The following DRAXIN variants were observed in gnomAD, a reference collection of about 807,000 sequenced individuals.
DRAXIN encodes the protein dorsal repulsive axon guidance protein.
In DRAXIN, 27 loss-of-function variants were observed where a neutral mutation model predicts 33.9. That is an observed-to-expected ratio of 0.80 (90% CI 0.59 to 1.10). DRAXIN has a LOEUF of 1.10. Ranked by LOEUF, DRAXIN falls within the 50% of genes least tolerant of loss-of-function variation. The probability of loss-of-function intolerance (pLI) is 0.00; values close to 1 mark genes in which losing one functional copy is unlikely to be tolerated. For missense variants in DRAXIN, 371 were observed against 460.8 expected (o/e 0.81, Z 1.78); for synonymous variants, 178 against 194.0 (o/e 0.92, Z 0.69).
chr1:11,691,494 C>G (rs370545018), upstream of DRAXIN: 6 of 152,300 alleles, frequency 3.9e-5, no homozygotes, highest in African/African-American at 1.4e-4. Context: ...TTGTCTGCCC[C>G]GCGCCCTCGC....
At chr1:11,688,118 A>G (rs1640993309), upstream of DRAXIN, among the ~76,000 whole-genome samples, 1 of 152,166 alleles carries the variant, frequency 6.6e-6, no homozygotes, top group African/African-American at 2.4e-5. The surrounding 1 kb of genome is among the most constrained non-coding windows in gnomAD (Gnocchi z 4.6). Context: ...ACTGGCCCAC[A>G]GCTCTATCCT....
chr1:11,710,920 T>TTAAAAAA (rs1641483974), intron 3 of DRAXIN, among the ~76,000 whole-genome samples: 2 of 15,866 alleles, frequency 1.3e-4, no homozygotes, highest in Non-Finnish European at 1.9e-4. Flanking sequence ...AGACTCCATC[T>TTAAAAAA]CAAAAAAAAA....
chr1:11,719,521 G>T (rs944380109), intron 6 of DRAXIN, 63 bp from the exon 7 acceptor site: 28 of 1,432,602 alleles, frequency 2.0e-5, no homozygotes, highest in Non-Finnish European at 2.7e-5. Context: ...GAGCGTGCAG[G>T]GGAAGGAAGG....
At chr1:11,693,950 G>C (rs1328919038) in intron 1 of DRAXIN, among the ~76,000 whole-genome samples, 1 of 152,134 alleles carries the variant, frequency 6.6e-6, no homozygotes, top group East Asian at 1.9e-4. Context: ...TTGCAGCCAC[G>C]ATGGAGAACT....
In DRAXIN at chr1:11,721,523, G is replaced by A. The variant is rs540208773; in HGVS notation, c.*1827G>A. On this transcript the variant is annotated 3_prime_UTR_variant, in exon 7 of 7. Transcript: ENST00000294485. Reference sequence around the variant, plus strand: ...ATAAGATGCCAGAGATGTTTACTGCGTTGGAAAAATCAGTCGGGGTCAGGG... The same window carrying A: ...ATAAGATGCCAGAGATGTTTACTGCATTGGAAAAATCAGTCGGGGTCAGGG... 3.3e-5 allele frequency: 5 copies of A among 152,366 alleles called. No homozygotes were observed. Among genetic ancestry groups the A allele is most frequent in the South Asian group, 2.1e-4 (1 of 4,824 alleles). 9.4% of individuals were successfully genotyped at this position (152,366 alleles called of 1,614,324 possible). A position where few individuals can be genotyped will look rare whatever the true frequency, so the allele number is the denominator to read the frequency against.
In DRAXIN at chr1:11,723,402, A is replaced by C. The variant is rs899420990; in HGVS notation, c.*3706A>C. The C allele has an allele frequency of 6.6e-6, 1 of 152,116 alleles. No individual in the cohort carries two copies. Among genetic ancestry groups the C allele is most frequent in the African/African-American group, 2.4e-5 (1 of 41,410 alleles). 9.4% of individuals were successfully genotyped at this position (152,116 alleles called of 1,614,324 possible). A position where few individuals can be genotyped will look rare whatever the true frequency, so the allele number is the denominator to read the frequency against. ...GTAACTTCAGGTGCAGCTGGGGCGG[A>C]GAGTCTCTGCTCTCCCCTTCCATCT... On this transcript the variant is annotated 3_prime_UTR_variant, in exon 7 of 7. Coordinates refer to ENST00000294485, the MANE Select transcript of DRAXIN (RefSeq NM_198545.4).
chr1:11,709,995 G>T (rs1010909814), intron 3 of DRAXIN, among the ~76,000 whole-genome samples: 6 of 152,014 alleles, frequency 3.9e-5, no homozygotes, highest in Non-Finnish European at 5.9e-5. Flanking sequence ...GACCAGCCTG[G>T]CCAACATAGT....
chr1:11,719,700 C>T lies in DRAXIN; in HGVS notation c.*4C>T, dbSNP rs750688969. 7 of 1,612,822 alleles carry T rather than the reference C, an allele frequency of 4.3e-6. No individual in the cohort carries two copies. In the South Asian group the frequency reaches 6.6e-5, roughly 15 times the overall value. On this transcript the variant is annotated 3_prime_UTR_variant, in exon 7 of 7. Coordinates refer to ENST00000294485, the MANE Select transcript of DRAXIN (RefSeq NM_198545.4). ...GGGATCCTTCATCAACGTCTAGCGG[C>T]CCCGCGGGACTGGGGACTGAGCCCA...
At chr1:11,700,727 T>G (rs1004408820) in intron 1 of DRAXIN, among the ~76,000 whole-genome samples, 1 of 152,210 alleles carries the variant, frequency 6.6e-6, no homozygotes, top group African/African-American at 2.4e-5. Flanking sequence ...GGGGGTTGCC[T>G]GCTTCACATC....
At chr1:11,688,594 G>C (rs1282838675), upstream of DRAXIN, among the ~76,000 whole-genome samples, 1 of 151,896 alleles carries the variant, frequency 6.6e-6, no homozygotes, top group Non-Finnish European at 1.5e-5. This position sits in a 1 kb window ranked among gnomAD's most constrained non-coding sequence, Gnocchi z 4.6. Flanking sequence ...CAGCAAACCT[G>C]CTAAAAACCT....
At position 11,723,626 on chromosome 1, in the gene DRAXIN, C is replaced by T. The variant is rs2100748155; in HGVS notation, c.*3930C>T. ...TTTTCTTTTGAGACAGAGTTTCACT[C>T]TTGTTGCCCAGGCTGGAGTGCAGTG... On this transcript the variant is annotated 3_prime_UTR_variant, in exon 7 of 7. Coordinates refer to ENST00000294485, the MANE Select transcript of DRAXIN (RefSeq NM_198545.4). The T allele has an allele frequency of 6.7e-6, 1 of 148,426 alleles. No homozygotes were observed. The highest frequency in any genetic ancestry group is 2.1e-4 in the South Asian group (1 of 4,698). 9.2% of individuals were successfully genotyped at this position (148,426 alleles called of 1,614,324 possible). A position where few individuals can be genotyped will look rare whatever the true frequency, so the allele number is the denominator to read the frequency against.
chr1:11,698,811 G>A (rs554221963), intron 1 of DRAXIN, among the ~76,000 whole-genome samples: 70 of 152,106 alleles, frequency 4.6e-4, no homozygotes, highest in Admixed American at 1.3e-3. Context: ...GAGCTATGAT[G>A]GTACAACTAC....
At position 11,706,294 on chromosome 1, in the gene DRAXIN, G is replaced by T. The variant is rs747996298; in HGVS notation, c.36G>T (p.Leu12=). 1.1e-5 allele frequency: 17 copies of T among 1,611,836 alleles called. No individual in the cohort carries two copies. The Admixed American group carries it at 2.8e-4, about 27-fold the overall frequency. The stretch of plus-strand genomic sequence containing the variant: ...CTGCCATCCACACCGCTCCCATGCT[G>T]TTCCTCGTCCTCCTGCTGCCCCTGG... ...AGPAIHTAPM[L]FLVLLLPLEL... Residue 12 remains leucine (L), a synonymous_variant, in exon 2 of 7, where the codon CTG becomes CTT. Transcript: ENST00000294485. The surrounding 1 kb of genome is among the most constrained non-coding windows in gnomAD (Gnocchi z 5.5).
intron 1 of DRAXIN, among the ~76,000 whole-genome samples, chr1:11,701,132 GTC>G (rs1358981782): frequency 6.6e-6 from 1 of 152,194 alleles, no homozygotes; most frequent in African/African-American, 2.4e-5. Flanking sequence ...CCTGGTTAGT[GTC>G]TGTTTCCCAG....
In DRAXIN at chr1:11,691,728, C is replaced by G. The variant is rs1641072211; in HGVS notation, c.-136C>G. 6.8e-6 allele frequency: 1 copy of G among 145,992 alleles called. No individual in the cohort carries two copies. Among genetic ancestry groups the G allele is most frequent in the Non-Finnish European group, 1.5e-5 (1 of 66,234 alleles). 9.0% of individuals were successfully genotyped at this position (145,992 alleles called of 1,614,324 possible). On this transcript the variant is annotated 5_prime_UTR_variant, in exon 1 of 7. Transcript: ENST00000294485. The stretch of plus-strand genomic sequence containing the variant: ...TCCTTCCAGTCCCGCTCAGCCCGGG[C>G]ACATCCTCCGGCTGCCCGCGCACCT...
intron 6 of DRAXIN, among the ~76,000 whole-genome samples, chr1:11,718,387 T>TAAA (rs957742333): frequency 7.9e-5 from 12 of 151,334 alleles, no homozygotes; most frequent in African/African-American, 2.9e-4. Flanking sequence ...TTGAGCCACT[T>TAAA]AAAAAAAAAT....
intron 4 of DRAXIN, 67 bp from the exon 5 acceptor site, chr1:11,712,273 G>C: frequency 6.3e-7 from 1 of 1,577,446 alleles, no homozygotes; most frequent in Non-Finnish European, 8.7e-7. Flanking sequence ...TCCAACATCT[G>C]AGTCCCTGTG....
At chr1:11,698,909 C>T (rs751124669) in intron 1 of DRAXIN, among the ~76,000 whole-genome samples, 32 of 152,162 alleles carry the variant, frequency 2.1e-4, no homozygotes, top group Admixed American at 1.4e-3. Flanking sequence ...AGACATAAAA[C>T]CTGAGATGAT....
chr1:11,717,999 T>TGAAAAAAA, intron 6 of DRAXIN, among the ~76,000 whole-genome samples: 1 of 27,436 alleles, frequency 3.6e-5, no homozygotes, highest in South Asian at 1.1e-3. Flanking sequence ...AGACCCTGTC[T>TGAAAAAAA]CAAAAAAAAA....
Sources: gnomAD v4.1 joint callset for allele counts (sites outside exome capture counted in the v4.1 genomes callset) on GRCh38, gnomAD v4.1.1 for gene constraint, Gnocchi (gnomAD v3.1) non-coding constraint, MANE v1.5 for transcripts, NCBI Gene and HGNC (gene_info 2026-07-23, HGNC 2026-07-21) for gene names.